TMEM126B: variants seen among roughly 807,000 people sequenced by gnomAD.
TMEM126B encodes complex I assembly factor TMEM126B, mitochondrial.
TMEM126B carries 19 observed loss-of-function variants against 16.5 expected under a neutral mutation model. The ratio of observed to expected loss-of-function variants is 1.15; its 90% CI spans 0.80 to 1.69. TMEM126B has a LOEUF of 1.69. Ranked by LOEUF, TMEM126B falls within the 40% of genes most tolerant of loss-of-function variation. TMEM126B has a pLI of 0.00. For synonymous variants in TMEM126B, 104 were observed against 93.2 expected (o/e 1.12, Z -0.67); for missense variants, 293 against 278.7 (o/e 1.05, Z -0.37).
intron 1 of TMEM126B, chr11:85,631,117 C>T (rs751383251): frequency 2.3e-6 from 3 of 1,280,560 alleles, no homozygotes; most frequent in African/African-American, 1.7e-5. Flanking sequence ...TTCTCCAAGG[C>T]AATCCCTGCT....
Position 85,636,406 on chromosome 11 carries a change from T to C in TMEM126B, c.*177T>C, listed in dbSNP as rs1591457850. On this transcript the variant is annotated 3_prime_UTR_variant, in exon 5 of 5. Transcript: ENST00000358867. The stretch of plus-strand genomic sequence containing the variant: ...ATTCAATCAATAAATATAAGTTTCA[T>C]CTTACACGTAAGATACAGGTCTTAT... 4.9e-6 allele frequency: 2 copies of C among 408,586 alleles called. No homozygotes were observed. The highest frequency in any genetic ancestry group is 7.8e-5 in the East Asian group (2 of 25,592). The allele number at this position is 408,586 out of a possible 1,614,324, so 25.3% of individuals were successfully genotyped here.
Position 85,631,589 on chromosome 11 carries a change from A to G in TMEM126B, c.82-98A>G. On this transcript the variant is annotated intron_variant, in intron 1 of 4. Coordinates refer to ENST00000358867, the MANE Select transcript of TMEM126B (RefSeq NM_018480.7). Reference sequence around the variant, plus strand: ...GACACAGTACCTGGCACACTACTAAACTGTAAATGTTTTCAAATCTGAATC... The same window carrying G: ...GACACAGTACCTGGCACACTACTAAGCTGTAAATGTTTTCAAATCTGAATC... The G allele has an allele frequency of 2.2e-6, 3 of 1,384,190 alleles. No homozygotes were observed. In the South Asian group the frequency reaches 4.0e-5, roughly 19 times the overall value. The allele number at this position is 1,384,190 out of a possible 1,614,324, so 85.7% of individuals were successfully genotyped here.
chr11:85,635,467 C>G (rs1565793666), intron 3 of TMEM126B, among the ~76,000 whole-genome samples, 200 bp from the exon 4 acceptor site: 3 of 152,198 alleles, frequency 2.0e-5, no homozygotes, highest in Admixed American at 6.5e-5. Context: ...AGGTAATTCT[C>G]TATGTGATAA....
intron 2 of TMEM126B, among the ~76,000 whole-genome samples, chr11:85,632,620 T>TTTTAC (rs1486526421): frequency 6.6e-6 from 1 of 152,092 alleles, no homozygotes; most frequent in African/African-American, 2.4e-5. Context: ...TTTTATTTTA[T>TTTTAC]TTCATTTTCT....
At position 85,628,683 on chromosome 11, in the gene TMEM126B, C is replaced by G. The variant is rs2082144284; in HGVS notation, c.76C>G (p.Pro26Ala). The change falls in exon 1 of 5, where the codon CCC becomes GCC. Residue 26 changes from proline (P) to alanine (A), a missense_variant. By Grantham distance (27) the Pro-to-Ala change is conservative. Coordinates refer to ENST00000358867, the MANE Select transcript of TMEM126B (RefSeq NM_018480.7). ...GVVPVGTEEA[P>A]KVFKMAASMH... ...GGTGCCGGTGGGAACTGAGGAAGCG[C>G]CCAAGGTAGGCGGAAATCCGAAGTG... The G allele has an allele frequency of 6.5e-7, 1 of 1,536,008 alleles. No homozygotes were observed. The highest frequency in any genetic ancestry group is 1.4e-5 in the African/African-American group (1 of 73,026).
At position 85,636,346 on chromosome 11, in the gene TMEM126B, C is replaced by A. The variant is rs1465894600; in HGVS notation, c.*117C>A. 1.5e-6 allele frequency: 1 copy of A among 678,434 alleles called. No homozygotes were observed. The highest frequency in any genetic ancestry group is 2.2e-6 in the Non-Finnish European group (1 of 446,400). The allele number at this position is 678,434 out of a possible 1,614,324, so 42.0% of individuals were successfully genotyped here. Reference sequence around the variant, plus strand: ...AAATAATTTGTTCTGTGCCTTTTGCCTGGTATATAGCAAATACTCAAAAAG... The same window carrying A: ...AAATAATTTGTTCTGTGCCTTTTGCATGGTATATAGCAAATACTCAAAAAG... On this transcript the variant is annotated 3_prime_UTR_variant, in exon 5 of 5. Transcript: ENST00000358867.
At chr11:85,630,611 G>C (rs1015586785) in intron 1 of TMEM126B, among the ~76,000 whole-genome samples, 6 of 152,190 alleles carry the variant, frequency 3.9e-5, no homozygotes, top group Non-Finnish European at 2.9e-5. Flanking sequence ...TGAGAGTGCA[G>C]GGTTTGTTTT....
intron 2 of TMEM126B, among the ~76,000 whole-genome samples, chr11:85,632,423 T>A (rs1037356156): frequency 2.6e-5 from 4 of 152,142 alleles, no homozygotes; most frequent in African/African-American, 7.2e-5. Context: ...TTTGTATTTT[T>A]AGTAGAGATG....
intron 2 of TMEM126B, among the ~76,000 whole-genome samples, chr11:85,633,166 T>C (rs1354050764): frequency 1.3e-5 from 2 of 152,204 alleles, no homozygotes; most frequent in Non-Finnish European, 2.9e-5. Flanking sequence ...TATTCCATGG[T>C]GTATATGTGC....
In TMEM126B at chr11:85,636,153, T is replaced by A. The variant is rs778025137; in HGVS notation, c.617T>A (p.Met206Lys). The change falls in exon 5 of 5, where the codon ATG (methionine) becomes AAG (lysine). Residue 206 changes from methionine (M) to lysine (K), a missense_variant. Transcript: ENST00000358867. ...LMAIPLVFQI[M>K]FGILNGLYHY... ...GCGATTCCTCTAGTCTTTCAGATTATGTTTGGAATATTAAATGGTCTATAC... is the reference window on the plus strand; with the variant it reads ...GCGATTCCTCTAGTCTTTCAGATTAAGTTTGGAATATTAAATGGTCTATAC... 6.2e-7 allele frequency: 1 copy of A among 1,612,120 alleles called. No homozygotes were observed.
chr11:85,633,265 G>A (rs551538830), intron 2 of TMEM126B, among the ~76,000 whole-genome samples: 17 of 152,072 alleles, frequency 1.1e-4, no homozygotes, highest in South Asian at 2.1e-4. Context: ...ATAAACATAC[G>A]TGTGCATGTG....
At position 85,632,130 on chromosome 11, in the gene TMEM126B, T is replaced by C. The variant is rs561798249; in HGVS notation, c.203+322T>C. 3.9e-5 allele frequency among the ~76,000 whole-genome samples: 6 copies of C among 152,374 alleles called. No homozygotes were observed. The East Asian group carries it at 5.8e-4, about 15-fold the overall frequency. ...AGAAAACCATTGAGGGGGGTACTTA[T>C]ATTTAATTGGTGAGTAATTATAATC... On this transcript the variant is annotated intron_variant, in intron 2 of 4. Transcript: ENST00000358867.
rs1565794858 is a variant in TMEM126B at position 85,636,231 on chromosome 11, CA to C, written c.*9del. The C allele has an allele frequency of 1.2e-5, 18 of 1,472,296 alleles. No individual in the cohort carries two copies. Among genetic ancestry groups the C allele is most frequent in the East Asian group, 7.3e-5 (3 of 40,984 alleles). 91.2% of individuals were successfully genotyped at this position (1,472,296 alleles called of 1,614,324 possible). The stretch of plus-strand genomic sequence containing the variant: ...GAGAAAACTATACATGAAGAGTAAC[CA>C]AAAAAATGAATGGTTGCTAACTTAG... On this transcript the variant is annotated 3_prime_UTR_variant, in exon 5 of 5. Coordinates refer to ENST00000358867, the MANE Select transcript of TMEM126B (RefSeq NM_018480.7).
At chr11:85,631,637 T>C (rs779437126) in intron 1 of TMEM126B, 50 bp from the exon 2 acceptor site, 1 of 1,568,076 alleles carries the variant, frequency 6.4e-7, no homozygotes. Flanking sequence ...TAAGGTTTTA[T>C]GTAATATGAA....
chr11:85,635,612 T>G (rs569523382), intron 3 of TMEM126B, 55 bp from the exon 4 acceptor site: 37 of 1,233,868 alleles, frequency 3.0e-5, no homozygotes, highest in Admixed American at 5.8e-5. Flanking sequence ...GGTACAACAC[T>G]GTCTTAATAG....
At chr11:85,629,062 T>G in intron 1 of TMEM126B, 1 of 502,136 alleles carries the variant, frequency 2.0e-6, no homozygotes. Context: ...CTGGCTAGAT[T>G]GTTTGCTTTT....
chr11:85,635,827 T>C, intron 4 of TMEM126B, 49 bp downstream of exon 4: 1 of 1,320,368 alleles, frequency 7.6e-7, no homozygotes, highest in Non-Finnish European at 1.0e-6. Flanking sequence ...TTTTCTTTTT[T>C]TTTTTTTTTT....
At chr11:85,629,111 A>T (rs1413562804) in intron 1 of TMEM126B, 2 of 724,440 alleles carry the variant, frequency 2.8e-6, no homozygotes, top group Non-Finnish European at 4.2e-6. Context: ...TCACTCTCTC[A>T]TTCTGTGTTT....
At chr11:85,631,576 G>T in intron 1 of TMEM126B, 111 bp from the exon 2 acceptor site, 1 of 1,228,106 alleles carries the variant, frequency 8.1e-7, no homozygotes. Context: ...CACAGTACCT[G>T]GCACACTACT....
Sources: allele counts gnomAD v4.1 joint callset (sites outside exome capture counted in the v4.1 genomes callset), GRCh38; gene constraint gnomAD v4.1.1; transcripts MANE v1.5; gene names NCBI Gene and HGNC (gene_info 2026-07-23, HGNC 2026-07-21).